The following NCKAP1L variants were observed in gnomAD, a reference collection of about 807,000 sequenced individuals.
The protein encoded by NCKAP1L is nck-associated protein 1-like.
Under a neutral mutation model 139.2 loss-of-function variants are expected in NCKAP1L, and 53 were observed. The observed-to-expected ratio is 0.38, with a 90% CI of 0.31 to 0.48. The LOEUF (loss-of-function observed/expected upper bound fraction) is 0.48, where lower values mean the gene tolerates loss of function less well. NCKAP1L is among the 20% of genes least tolerant of loss of function. NCKAP1L has a pLI of 0.98. For missense variants in NCKAP1L, 1,151 were observed against 1,381.9 expected (o/e 0.83, Z 2.65); for synonymous variants, 468 against 499.7 (o/e 0.94, Z 0.85).
In NCKAP1L at chr12:54,537,035, C is replaced by T; in HGVS notation, c.3165C>T (p.His1055=). 2 of 1,611,126 alleles carry T rather than the reference C, an allele frequency of 1.2e-6. No individual in the cohort carries two copies. The highest frequency in any genetic ancestry group is 1.7e-6 in the Non-Finnish European group (2 of 1,177,466). ...TCTACAACAAGAACATTGAAACTCA[C>T]CTCAAGGAATTTCTGGTGGTGAGTG... ...FTLYNKNIET[H]LKEFLVVASV... The change falls in exon 29 of 31, where the codon CAC becomes CAT. Residue 1055 remains histidine (H), a synonymous_variant. Transcript: ENST00000293373.
Position 54,512,249 on chromosome 12 carries a change from T to C in NCKAP1L, c.941+144T>C, listed in dbSNP as rs142569003. ...GAAGAAATATACATTAAATACCTAC[T>C]ATTAGCTAAGTGCTTCACTGGGTTT... is the stretch of plus-strand genomic sequence containing the variant. On this transcript the variant is annotated intron_variant, in intron 9 of 30. Transcript: ENST00000293373. 3.1e-4 allele frequency: 255 copies of C among 828,378 alleles called. No individual in the cohort carries two copies. In the African/African-American group the frequency reaches 4.2e-3, roughly 14 times the overall value. The allele number at this position is 828,378 out of a possible 1,614,324, so 51.3% of individuals were successfully genotyped here. A position where few individuals can be genotyped will look rare whatever the true frequency, so the allele number is the denominator to read the frequency against.
Position 54,546,499 on chromosome 12 carries a change from G to C in NCKAP1L, c.*3814G>C, listed in dbSNP as rs541658569. 3 of 152,134 alleles carry C rather than the reference G, an allele frequency of 2.0e-5. No homozygotes were observed. The highest frequency in any genetic ancestry group is 7.2e-5 in the African/African-American group (3 of 41,438). The allele number at this position is 152,134 out of a possible 1,614,324, so 9.4% of individuals were successfully genotyped here. On this transcript the variant is annotated 3_prime_UTR_variant, in exon 31 of 31. Coordinates refer to ENST00000293373, the MANE Select transcript of NCKAP1L (RefSeq NM_005337.5). ...CAGGAGGGAGGGAGGGTATATCTGT[G>C]TCCCCCAGCTAGGGACAAGGCTTCC...
intron 9 of NCKAP1L, among the ~76,000 whole-genome samples, chr12:54,514,911 A>G (rs551813139): frequency 1.1e-4 from 16 of 152,344 alleles, no homozygotes; most frequent in Non-Finnish European, 1.8e-4. Context: ...GCTTCTAAGG[A>G]ATGGAAGAGA....
Position 54,538,977 on chromosome 12 carries a change from A to C in NCKAP1L, c.3273+4A>C, listed in dbSNP as rs781398421. ...CATTTCTCTGCTCATGCGCTTGGTA[A>C]GTACCTTATTTAAATTGGTGTGAGA... On this transcript the variant is annotated splice_donor_region_variant and intron_variant, in intron 30 of 30. Coordinates refer to ENST00000293373, the MANE Select transcript of NCKAP1L (RefSeq NM_005337.5). 6.8e-6 allele frequency: 11 copies of C among 1,613,370 alleles called. No individual in the cohort carries two copies. Among genetic ancestry groups the C allele is most frequent in the Non-Finnish European group, 9.3e-6 (11 of 1,179,386 alleles).
At chr12:54,532,436 G>A (rs1397425535) in intron 26 of NCKAP1L, among the ~76,000 whole-genome samples, 186 bp downstream of exon 26, 1 of 152,106 alleles carries the variant, frequency 6.6e-6, no homozygotes. Flanking sequence ...AGATGTAGGG[G>A]GATGGAGAGA....
At chr12:54,531,944 G>C in intron 25 of NCKAP1L, 119 bp downstream of exon 25, 1 of 902,018 alleles carries the variant, frequency 1.1e-6, no homozygotes, top group Non-Finnish European at 1.7e-6. Flanking sequence ...AGAAGGGGTT[G>C]GTGAGCATTG....
intron 3 of NCKAP1L, among the ~76,000 whole-genome samples, chr12:54,504,240 A>C (rs556141708): frequency 2.0e-5 from 3 of 152,318 alleles, no homozygotes; most frequent in Non-Finnish European, 4.4e-5. Context: ...GAGCAACCCA[A>C]GCTTGTGGTG....
In NCKAP1L at chr12:54,516,136, C is replaced by G. The variant is rs555843771; in HGVS notation, c.942-103C>G. 5.1e-6 allele frequency: 6 copies of G among 1,182,050 alleles called. No individual in the cohort carries two copies. The South Asian group carries it at 7.5e-5, about 15-fold the overall frequency. The allele number at this position is 1,182,050 out of a possible 1,614,324, so 73.2% of individuals were successfully genotyped here. ...ATCCTGCCTGTGAGGGCTGCCCATG[C>G]TCCCACCAGGGTATAGGCTGGACTC... On this transcript the variant is annotated intron_variant, in intron 9 of 30. Coordinates refer to ENST00000293373, the MANE Select transcript of NCKAP1L (RefSeq NM_005337.5).
At chr12:54,508,110 A>C (rs1307657363) in intron 4 of NCKAP1L, among the ~76,000 whole-genome samples, 1 of 152,214 alleles carries the variant, frequency 6.6e-6, no homozygotes, top group Admixed American at 6.5e-5. Context: ...GCAGATCAGC[A>C]ATGTGATTTA....
intron 9 of NCKAP1L, chr12:54,512,402 A>G (rs1956895698): frequency 3.9e-6 from 1 of 259,622 alleles, no homozygotes; most frequent in African/African-American, 2.2e-5. Flanking sequence ...CAAATTTCCC[A>G]TGCCATTACC....
intron 9 of NCKAP1L, among the ~76,000 whole-genome samples, chr12:54,515,831 A>G (rs1404825787): frequency 3.9e-5 from 6 of 152,160 alleles, no homozygotes; most frequent in Non-Finnish European, 8.8e-5. Flanking sequence ...TTGAGTAACT[A>G]CTTTTACTTG....
intron 28 of NCKAP1L, 131 bp from the exon 29 acceptor site, chr12:54,536,813 C>T: frequency 1.6e-6 from 1 of 606,064 alleles, no homozygotes; most frequent in Non-Finnish European, 3.0e-6. Context: ...AAAATGCCTT[C>T]TCATCCTTTT....
intron 10 of NCKAP1L, 31 bp from the exon 11 acceptor site, chr12:54,516,865 G>A (rs1271516872): frequency 5.7e-6 from 9 of 1,591,148 alleles, no homozygotes; most frequent in African/African-American, 1.3e-5. Context: ...GGTGGGAGAG[G>A]TGATAGTCAT....
chr12:54,532,514 G>A (rs191410176), intron 26 of NCKAP1L, among the ~76,000 whole-genome samples: 2 of 152,218 alleles, frequency 1.3e-5, no homozygotes, highest in Admixed American at 1.3e-4. Context: ...TAAGACCTAG[G>A]ATAGTATCTG....
In NCKAP1L at chr12:54,537,709, T is replaced by G. The variant is rs147457810; in HGVS notation, c.3183+656T>G. ...CTGGAGAGTTTCTACCTTAGTAGAT[T>G]AGGGTGGGGCTGAATAATGTGCATT... On this transcript the variant is annotated intron_variant, in intron 29 of 30. Transcript: ENST00000293373. Among the ~76,000 whole-genome samples, 932 of 152,266 alleles carry G rather than the reference T, an allele frequency of 6.1e-3. 5 individuals are homozygous for G. Among genetic ancestry groups the G allele is most frequent in the African/African-American group, 0.022 (894 of 41,540 alleles).
chr12:54,522,940 G>A (rs568807019), intron 18 of NCKAP1L, among the ~76,000 whole-genome samples: 1 of 152,328 alleles, frequency 6.6e-6, no homozygotes, highest in Non-Finnish European at 1.5e-5. Context: ...GAGGGCTGTG[G>A]TGATGTGGGT....
intron 26 of NCKAP1L, among the ~76,000 whole-genome samples, chr12:54,534,205 C>T (rs1007448882): frequency 1.3e-5 from 2 of 152,136 alleles, no homozygotes. Flanking sequence ...GATGTGTGGT[C>T]TAATTTAATC....
chr12:54,522,414 A>C (rs556841675), intron 18 of NCKAP1L, among the ~76,000 whole-genome samples: 1 of 152,364 alleles, frequency 6.6e-6, no homozygotes, highest in Admixed American at 6.5e-5. Flanking sequence ...GATGCGAATA[A>C]TTTTCACACA....
chr12:54,520,929 C>T, intron 17 of NCKAP1L, 103 bp downstream of exon 17: 1 of 1,525,198 alleles, frequency 6.6e-7, no homozygotes, highest in Non-Finnish European at 9.1e-7. Context: ...AGGGTATAAA[C>T]ATAGATGTAT....
Sources: gnomAD v4.1 joint callset for allele counts (sites outside exome capture counted in the v4.1 genomes callset) on GRCh38, gnomAD v4.1.1 for gene constraint, MANE v1.5 for transcripts, NCBI Gene and HGNC (gene_info 2026-07-23, HGNC 2026-07-21) for gene names.